ARPP21: variants seen among roughly 807,000 people sequenced by gnomAD.
ARPP21 encodes cAMP regulated phosphoprotein 21, also known as cAMP-regulated phosphoprotein 21.
ARPP21 carries 69 observed loss-of-function variants against 113.2 expected under a neutral mutation model. The ratio of observed to expected loss-of-function variants is 0.61; its 90% CI spans 0.50 to 0.74. The LOEUF (loss-of-function observed/expected upper bound fraction) is 0.74. Among genes scored for constraint, ARPP21 ranks in the 30% least tolerant of loss-of-function variants. ARPP21 has a pLI of 0.00. For missense variants in ARPP21, 1,070 were observed against 1,037.4 expected (o/e 1.03, Z -0.43); for synonymous variants, 368 against 375.5 (o/e 0.98, Z 0.23).
At chr3:35,756,465 C>T (rs55934972) in intron 19 of ARPP21, among the ~76,000 whole-genome samples, 5,314 of 152,020 alleles carry the variant, frequency 0.035, 172 homozygotes, top group South Asian at 0.11. Context: ...TCCAAAGCCA[C>T]GAAACCACCA....
At chr3:35,719,045 A>C (rs11716454) in intron 13 of ARPP21, among the ~76,000 whole-genome samples, 75,086 of 151,438 alleles carry the variant, frequency 0.5, 20,018 homozygotes, top group East Asian at 0.8. Flanking sequence ...ACAAGAGGGC[A>C]AGCTCCAATG....
intron 1 of ARPP21, among the ~76,000 whole-genome samples, chr3:35,675,203 T>TTTTTTTTTTTTTTTGA (rs1559570125): frequency 6.6e-6 from 1 of 151,678 alleles, no homozygotes; most frequent in African/African-American, 2.4e-5. Context: ...CCACCTTTCA[T>TTTTTTTTTTTTTTTGA]GTGGGTAAAT....
At chr3:35,774,605 A>G (rs2096299078) in intron 19 of ARPP21, among the ~76,000 whole-genome samples, 1 of 152,198 alleles carries the variant, frequency 6.6e-6, no homozygotes, top group Non-Finnish European at 1.5e-5. Context: ...TGAGTTACTC[A>G]TCTCTCCTGC....
At chr3:35,697,793 T>TAACAA (rs546517612) in intron 9 of ARPP21, among the ~76,000 whole-genome samples, 212 of 151,792 alleles carry the variant, frequency 1.4e-3, no homozygotes, top group Admixed American at 2.9e-3. Context: ...AGTACATTTA[T>TAACAA]AACAAAACAA....
chr3:35,790,187 C>T (rs1444578558), intron 19 of ARPP21, among the ~76,000 whole-genome samples: 1 of 152,202 alleles, frequency 6.6e-6, no homozygotes, highest in Non-Finnish European at 1.5e-5. Flanking sequence ...GCACTCCTCT[C>T]ATTTTCAACT....
At chr3:35,715,131 C>A (rs574253123) in intron 11 of ARPP21, 2 of 256,002 alleles carry the variant, frequency 7.8e-6, no homozygotes, top group South Asian at 6.3e-5. Flanking sequence ...ACCACTAGCT[C>A]GGAATCCGAC....
Position 35,683,829 on chromosome 3 carries a change from C to A in ARPP21, c.261+14C>A. On this transcript the variant is annotated intron_variant, in intron 5 of 20. Coordinates refer to ENST00000684406, the MANE Select transcript of ARPP21 (RefSeq NM_001385562.1). ...CTTCAGGATCAGGTATATCCCCTTG[C>A]CATTATCATTAATTGCATGAATGGG... The A allele has an allele frequency of 1.6e-6, 2 of 1,253,086 alleles. No individual in the cohort carries two copies. The highest frequency in any genetic ancestry group is 1.2e-6 in the Non-Finnish European group (1 of 852,998). The allele number at this position is 1,253,086 out of a possible 1,614,324, so 77.6% of individuals were successfully genotyped here. A position where few individuals can be genotyped will look rare whatever the true frequency, so the allele number is the denominator to read the frequency against.
intron 14 of ARPP21, among the ~76,000 whole-genome samples, chr3:35,725,046 G>C (rs1208293397): frequency 6.6e-6 from 1 of 152,204 alleles, no homozygotes; most frequent in African/African-American, 2.4e-5. Context: ...TTTTTAGAGA[G>C]AGAACTGAGC....
Position 35,737,225 on chromosome 3 carries a change from C to G in ARPP21, c.1507C>G (p.Pro503Ala), listed in dbSNP as rs1440253817. Residue 503 changes from proline (P) to alanine (A), a missense_variant, in exon 16 of 21, where the codon CCC becomes GCC. By Grantham distance (27) the Pro-to-Ala change is conservative. Coordinates refer to ENST00000684406, the MANE Select transcript of ARPP21 (RefSeq NM_001385562.1). ...PDGTPAIYNP[P>A]TSQQPLRSAM... ...TGGAACTCCTGCAATATACAACCCA[C>G]CCACCAGTCAGCAGCCCCTGCGAAG... is the stretch of plus-strand genomic sequence containing the variant. 1.2e-6 allele frequency: 2 copies of G among 1,612,920 alleles called. No individual in the cohort carries two copies. The highest frequency in any genetic ancestry group is 2.7e-5 in the African/African-American group (2 of 74,914).
At chr3:35,762,124 T>TCACACACACA (rs1228601723) in intron 19 of ARPP21, among the ~76,000 whole-genome samples, 21 of 141,150 alleles carry the variant, frequency 1.5e-4, no homozygotes, top group African/African-American at 5.4e-4. Flanking sequence ...TCTCTCTCTC[T>TCACACACACA]CTCACACACA....
At chr3:35,710,366 T>C (rs1002363373) in intron 11 of ARPP21, among the ~76,000 whole-genome samples, 1 of 152,080 alleles carries the variant, frequency 6.6e-6, no homozygotes, top group Non-Finnish European at 1.5e-5. Flanking sequence ...GTTTGGTGGA[T>C]ACAAGAATGA....
chr3:35,717,721 T>A (rs2092606347), intron 13 of ARPP21, among the ~76,000 whole-genome samples: 1 of 152,166 alleles, frequency 6.6e-6, no homozygotes, highest in African/African-American at 2.4e-5. Context: ...AATAAATCAA[T>A]GATAGCCCTA....
Position 35,685,158 on chromosome 3 carries a change from CT to C in ARPP21, c.261+1348del, listed in dbSNP as rs2080177217. ...GGACAGCCTTTATAGACTTAATCTG[CT>C]TTTTGTCCCATTTGACAAGGTACCA... On this transcript the variant is annotated intron_variant, in intron 5 of 20. Transcript: ENST00000684406. The C allele has an allele frequency of 5.1e-6, 5 of 985,390 alleles. No individual in the cohort carries two copies. The South Asian group carries it at 1.9e-4, about 37-fold the overall frequency. 61.0% of individuals were successfully genotyped at this position (985,390 alleles called of 1,614,324 possible). A position where few individuals can be genotyped will look rare whatever the true frequency, so the allele number is the denominator to read the frequency against.
At chr3:35,715,139 G>A (rs1023462876) in intron 11 of ARPP21, 5 of 264,614 alleles carry the variant, frequency 1.9e-5, no homozygotes, top group East Asian at 7.5e-5. Context: ...CTCGGAATCC[G>A]ACGGCCACAC....
intron 1 of ARPP21, among the ~76,000 whole-genome samples, chr3:35,661,105 C>A (rs1032440555): frequency 6.6e-6 from 1 of 152,144 alleles, no homozygotes; most frequent in African/African-American, 2.4e-5. Flanking sequence ...ACTGGCATAA[C>A]AAGGCCTAAT....
intron 13 of ARPP21, among the ~76,000 whole-genome samples, chr3:35,720,862 C>T (rs532796847): frequency 3.3e-5 from 5 of 152,108 alleles, no homozygotes; most frequent in African/African-American, 9.7e-5. Flanking sequence ...GTTCTTTCAC[C>T]TGAGGAGCTT....
intron 19 of ARPP21, among the ~76,000 whole-genome samples, chr3:35,759,907 T>C (rs1368414703): frequency 6.6e-6 from 1 of 152,096 alleles, no homozygotes; most frequent in Non-Finnish European, 1.5e-5. Context: ...TCTTATAATA[T>C]GGCCAACAAA....
chr3:35,685,110 C>G (rs573247651), intron 5 of ARPP21: 7 of 985,436 alleles, frequency 7.1e-6, no homozygotes, highest in Middle Eastern at 5.2e-4. Flanking sequence ...AGTTGTCCCC[C>G]ACTCCTAATG....
chr3:35,774,267 A>G (rs2096289235), intron 19 of ARPP21, among the ~76,000 whole-genome samples: 1 of 152,150 alleles, frequency 6.6e-6, no homozygotes, highest in Non-Finnish European at 1.5e-5. Flanking sequence ...TTCCCATATG[A>G]TAAAAAATGT....
Sources: gnomAD v4.1 joint callset for allele counts (sites outside exome capture counted in the v4.1 genomes callset) on GRCh38, gnomAD v4.1.1 for gene constraint, MANE v1.5 for transcripts, NCBI Gene and HGNC (gene_info 2026-07-23, HGNC 2026-07-21) for gene names.